GLCE: variants seen among roughly 807,000 people sequenced by gnomAD.
The protein encoded by GLCE is D-glucuronyl C5-epimerase.
A neutral mutation model predicts 47.9 loss-of-function variants in GLCE; 19 were observed. The observed-to-expected ratio is 0.40, with a 90% confidence interval of 0.28 to 0.58. The LOEUF (loss-of-function observed/expected upper bound fraction) is 0.58, where lower values mean the gene tolerates loss of function less well. Ranked by LOEUF, GLCE falls within the 20% of genes least tolerant of loss-of-function variation. The pLI, the probability that GLCE is intolerant of heterozygous loss-of-function variation, is 0.48. For missense variants in GLCE, 556 were observed against 743.3 expected, an observed-to-expected ratio of 0.75 and a Z score of 2.93; for synonymous variants, 245 against 263.4, an observed-to-expected ratio of 0.93 and a Z score of 0.68.
chr15:69,219,737 G>A (rs183587931), intron 2 of GLCE, among the ~76,000 whole-genome samples: 9 of 152,130 alleles, frequency 5.9e-5, no homozygotes, highest in South Asian at 2.1e-4. Context: ...TAAAATACAC[G>A]TAATATAAAA....
chr15:69,232,297 G>A (rs147711345), intron 2 of GLCE, among the ~76,000 whole-genome samples: 108 of 152,300 alleles, frequency 7.1e-4, no homozygotes, highest in African/African-American at 2.5e-3. Context: ...AACATATAGT[G>A]CTGATCTAGG....
intron 1 of GLCE, among the ~76,000 whole-genome samples, chr15:69,165,552 CT>C (rs1381590530): frequency 5.9e-5 from 2 of 34,030 alleles, no homozygotes. Flanking sequence ...ACCATTTTTT[CT>C]TTTTTTTCTT....
At chr15:69,164,844 C>G (rs1442926410) in intron 1 of GLCE, among the ~76,000 whole-genome samples, 2 of 151,752 alleles carry the variant, frequency 1.3e-5, no homozygotes. Flanking sequence ...AGTTCCAATC[C>G]CTGGTTCTGT....
rs547412078 is a variant in GLCE at position 69,243,057 on chromosome 15, CA to C, written c.-13-12718del. Among the ~76,000 whole-genome samples the C allele has an allele frequency of 4.0e-3, 170 of 42,336 alleles. 1 individual carries two copies. Among genetic ancestry groups the C allele is most frequent in the Non-Finnish European group, 6.0e-3 (114 of 18,892 alleles). 27.8% of individuals were successfully genotyped at this position (42,336 alleles called of 152,430 possible). On this transcript the variant is annotated intron_variant, in intron 2 of 4. Transcript: ENST00000261858. ...GGGTGACAGAGTGAGAGATCCTGTC[CA>C]AAAAAAAAAAAAAAAAAAGAAAGAA...
intron 3 of GLCE, among the ~76,000 whole-genome samples, chr15:69,258,938 T>G (rs2052974242): frequency 1.3e-5 from 2 of 152,228 alleles, no homozygotes; most frequent in Non-Finnish European, 2.9e-5. Context: ...TCTGAGAATA[T>G]AATTAACTGC....
At chr15:69,256,473 A>G (rs1364879655) in intron 3 of GLCE, 81 bp downstream of exon 3, 3 of 927,736 alleles carry the variant, frequency 3.2e-6, no homozygotes, top group Admixed American at 2.1e-5. Flanking sequence ...TTATACATCA[A>G]GTACATAGCT....
At chr15:69,233,394 C>T (rs1447355524) in intron 2 of GLCE, among the ~76,000 whole-genome samples, 1 of 152,150 alleles carries the variant, frequency 6.6e-6, no homozygotes, top group Non-Finnish European at 1.5e-5. Context: ...TTTATCTCTA[C>T]ATTCAGGCTC....
intron 2 of GLCE, among the ~76,000 whole-genome samples, chr15:69,218,984 CT>C (rs1345156718): frequency 6.6e-6 from 1 of 152,024 alleles, no homozygotes; most frequent in Non-Finnish European, 1.5e-5. Flanking sequence ...TACTTTTAAA[CT>C]GTTTTGTCAA....
intron 2 of GLCE, among the ~76,000 whole-genome samples, chr15:69,230,485 G>A (rs964799495): frequency 6.6e-6 from 1 of 152,092 alleles, no homozygotes; most frequent in African/African-American, 2.4e-5. Flanking sequence ...ATTATAGTTG[G>A]GGTCTGCAAC....
rs1024442620 is a variant in GLCE, at chr15:69,193,668, CTAAGGTACAAAATT to C, written c.-104-16642_-104-16629del. Among the ~76,000 whole-genome samples the C allele has an allele frequency of 2.0e-4, 31 of 151,892 alleles. 1 individual carries two copies. The highest frequency in any genetic ancestry group is 5.9e-5 in the Non-Finnish European group (4 of 67,964). On this transcript the variant is annotated intron_variant, in intron 1 of 4. Transcript: ENST00000261858. ...AAGGAGGGTGAGGCAAGGGGGGCGCCTAAGGTACAAAATTTAAGGAGACACTGACTCTCAGATGT... is the reference window on the plus strand; with the variant it reads ...AAGGAGGGTGAGGCAAGGGGGGCGCCTAAGGAGACACTGACTCTCAGATGT...
intron 2 of GLCE, among the ~76,000 whole-genome samples, chr15:69,252,530 C>T (rs2052859451): frequency 6.6e-6 from 1 of 152,326 alleles, no homozygotes; most frequent in African/African-American, 2.4e-5. Context: ...AACACCTCCC[C>T]CTAGACCCCA....
intron 1 of GLCE, among the ~76,000 whole-genome samples, chr15:69,198,712 G>T (rs904587739): frequency 6.6e-6 from 1 of 152,074 alleles, no homozygotes; most frequent in African/African-American, 2.4e-5. Flanking sequence ...CATCACTGTT[G>T]CCATATTTTC....
chr15:69,252,507 C>G (rs2052859139), intron 2 of GLCE, among the ~76,000 whole-genome samples: 1 of 152,214 alleles, frequency 6.6e-6, no homozygotes, highest in Non-Finnish European at 1.5e-5. Flanking sequence ...GAGGGATGCA[C>G]CCCCATGATC....
At chr15:69,202,861 A>G (rs1206904076) in intron 1 of GLCE, among the ~76,000 whole-genome samples, 2 of 152,000 alleles carry the variant, frequency 1.3e-5, no homozygotes, top group Admixed American at 6.6e-5. Context: ...AACATTATTT[A>G]TGGATAATTT....
Position 69,255,948 on chromosome 15 carries a change from A to C in GLCE, c.142A>C (p.Arg48=). 1 of 1,614,074 alleles carries C rather than the reference A, an allele frequency of 6.2e-7. No individual in the cohort carries two copies. The highest frequency in any genetic ancestry group is 1.1e-5 in the South Asian group (1 of 91,064). ...QFPRRSSSGF[R]VDGFEKRAAA... ...TCCACGGCGTTCGAGTAGTGGCTTC[A>C]GAGTGGATGGGTTTGAAAAAAGAGC... Residue 48 remains arginine, a synonymous_variant, in exon 3 of 5, where the codon AGA becomes CGA. Coordinates refer to ENST00000261858, the MANE Select transcript of GLCE (RefSeq NM_015554.3).
At chr15:69,233,619 A>G (rs1436411049) in intron 2 of GLCE, among the ~76,000 whole-genome samples, 1 of 152,190 alleles carries the variant, frequency 6.6e-6, no homozygotes, top group Non-Finnish European at 1.5e-5. Context: ...CTAAGGAAAA[A>G]GAACAGTCTC....
At chr15:69,208,688 T>G (rs1462681533) in intron 1 of GLCE, among the ~76,000 whole-genome samples, 2 of 152,076 alleles carry the variant, frequency 1.3e-5, no homozygotes, top group Non-Finnish European at 2.9e-5. Context: ...GGAGTTGCAT[T>G]AAATTTCTAG....
intron 3 of GLCE, 25 bp from the exon 4 acceptor site, chr15:69,261,062 T>G (rs375630252): frequency 1.1e-5 from 17 of 1,599,496 alleles, no homozygotes; most frequent in Non-Finnish European, 1.5e-5. Flanking sequence ...GATATGATTA[T>G]TCATTTTGTT....
intron 1 of GLCE, among the ~76,000 whole-genome samples, chr15:69,177,782 A>G (rs2051692490): frequency 6.6e-6 from 1 of 152,114 alleles, no homozygotes; most frequent in Admixed American, 6.6e-5. Flanking sequence ...TCTCAAAGTA[A>G]CCATTGATCT....
Sources: gnomAD v4.1 joint callset for allele counts (sites outside exome capture counted in the v4.1 genomes callset) on GRCh38, gnomAD v4.1.1 for gene constraint, MANE v1.5 for transcripts, NCBI Gene and HGNC (gene_info 2026-07-23, HGNC 2026-07-21) for gene names.